Variants in WDR4 observed in about 807,000 individuals in gnomAD.
WDR4 encodes tRNA (guanine-N(7)-)-methyltransferase non-catalytic subunit WDR4.
Under a neutral mutation model 48.6 loss-of-function variants are expected in WDR4, and 47 were observed. That is an observed-to-expected ratio of 0.97 (90% CI 0.77 to 1.23). The LOEUF (loss-of-function observed/expected upper bound fraction) is 1.23. Ranked by LOEUF, WDR4 falls within the 50% of genes most tolerant of loss-of-function variation. The probability of loss-of-function intolerance (pLI) is 0.00; values close to 1 mark genes in which losing one functional copy is unlikely to be tolerated. For missense variants in WDR4, 606 were observed against 551.6 expected, an observed-to-expected ratio of 1.10 and a Z score of -0.99; for synonymous variants, 268 against 230.0, an observed-to-expected ratio of 1.17 and a Z score of -1.49.
chr21:42,870,564 C>G (rs13051639), intron 3 of WDR4, among the ~76,000 whole-genome samples: 91,318 of 151,364 alleles, frequency 0.6, 28,198 homozygotes, highest in African/African-American at 0.72. Flanking sequence ...GAGACAGGTA[C>G]ATCACCTTGA....
At chr21:42,860,499 C>T (rs1424569744) in intron 5 of WDR4, among the ~76,000 whole-genome samples, 2 of 152,252 alleles carry the variant, frequency 1.3e-5, no homozygotes, top group African/African-American at 2.4e-5. Context: ...ACGGGGTTCC[C>T]GGGGACCCTG....
At chr21:42,856,723 T>C (rs995612616) in intron 6 of WDR4, among the ~76,000 whole-genome samples, 24 of 152,112 alleles carry the variant, frequency 1.6e-4, no homozygotes, top group African/African-American at 5.3e-4. Context: ...TAACAGTAGA[T>C]GCATATCCTC....
rs1212211871 is a variant in WDR4 at position 42,876,711 on chromosome 21, T to G, written c.146A>C (p.Glu49Ala). 6.2e-7 allele frequency: 1 copy of G among 1,613,606 alleles called. No homozygotes were observed. The highest frequency in any genetic ancestry group is 1.3e-5 in the African/African-American group (1 of 74,882). Residue 49 changes from glutamate to alanine, a missense_variant, in exon 2 of 11, where the codon GAA becomes GCA. By Grantham distance (107) the Glu-to-Ala change is moderately radical (BLOSUM62 -1). Transcript: ENST00000398208. ...DCSAAEKKSQ[E>A]NKGEDAPLDQ... ...CTTCCCCACATCTCACCCTTTATTT[T>G]CTTGTGACTTCTTTTCTGCAGCACT... is the stretch of plus-strand genomic sequence containing the variant.
chr21:42,849,982 G>T lies in WDR4; in HGVS notation c.*67C>A. On this transcript the variant is annotated 3_prime_UTR_variant, in exon 11 of 11. Transcript: ENST00000398208. Reference sequence around the variant, plus strand: ...TTTTCCTTCTTGAAGGGACATGCCAGGATGCAGGGGAACAAGTTAAAAAGC... The same window carrying T: ...TTTTCCTTCTTGAAGGGACATGCCATGATGCAGGGGAACAAGTTAAAAAGC... 6.3e-7 allele frequency: 1 copy of T among 1,587,146 alleles called. No homozygotes were observed. The highest frequency in any genetic ancestry group is 8.6e-7 in the Non-Finnish European group (1 of 1,164,946).
chr21:42,885,016 TC>T, the WDR4 span, among the ~76,000 whole-genome samples: 1 of 152,098 alleles, frequency 6.6e-6, no homozygotes, highest in Non-Finnish European at 1.5e-5. Flanking sequence ...CTTCAAGTGA[TC>T]CGCCCGCCTT....
chr21:42,859,732 C>CGA lies in WDR4; in HGVS notation c.567-12_567-11dup, dbSNP rs751038117. On this transcript the variant is annotated splice_polypyrimidine_tract_variant and intron_variant, in intron 5 of 10. Transcript: ENST00000398208. ...GATACGGCTCACAAACCTGTGAGGG[C>CGA]GAGAGAGAGCGGCAGAGTCAGCGAG... The CGA allele has an allele frequency of 1.3e-6, 2 of 1,555,418 alleles. No individual in the cohort carries two copies. Among genetic ancestry groups the CGA allele is most frequent in the Non-Finnish European group, 1.7e-6 (2 of 1,149,376 alleles).
intron 6 of WDR4, 65 bp downstream of exon 6, chr21:42,859,597 G>T: frequency 1.4e-6 from 1 of 708,182 alleles, no homozygotes; most frequent in Non-Finnish European, 2.5e-6. Flanking sequence ...TCCAGGAGGC[G>T]CCCACCCCAC....
intron 10 of WDR4, among the ~76,000 whole-genome samples, chr21:42,850,894 A>C (rs2057807639): frequency 6.6e-6 from 1 of 152,216 alleles, no homozygotes; most frequent in Non-Finnish European, 1.5e-5. Context: ...AGACAGCCTC[A>C]GCCTGGCCAG....
chr21:42,876,731 A>C lies in WDR4; in HGVS notation c.126T>G (p.Ala42=). 1 of 1,613,720 alleles carries C rather than the reference A, an allele frequency of 6.2e-7. No homozygotes were observed. The highest frequency in any genetic ancestry group is 8.5e-7 in the Non-Finnish European group (1 of 1,179,880). Residue 42 remains alanine (A), a synonymous_variant, in exon 2 of 11, where the codon GCT becomes GCG. Transcript: ENST00000398208. ...TATTTTCTTGTGACTTCTTTTCTGCAGCACTGCAGTCATAGATGAAGAGGC... is the reference window on the plus strand; with the variant it reads ...TATTTTCTTGTGACTTCTTTTCTGCCGCACTGCAGTCATAGATGAAGAGGC... ...DDSLFIYDCS[A]AEKKSQENKG...
rs1490921538 is a variant in WDR4 at position 42,879,205 on chromosome 21, GAGCGGACGGCGAA to G, written c.89+189_89+201del. 40 of 1,332,596 alleles carry G rather than the reference GAGCGGACGGCGAA, an allele frequency of 3.0e-5. No individual in the cohort carries two copies. The East Asian group carries it at 6.0e-4, about 20-fold the overall frequency. 82.5% of individuals were successfully genotyped at this position (1,332,596 alleles called of 1,614,324 possible). ...GCCGGAGCCGGGGAGCGGACGCCGA[GAGCGGACGGCGAA>G]AGCGGACCCTCCAGGCGCAGAGACG... is the stretch of plus-strand genomic sequence containing the variant. On this transcript the variant is annotated intron_variant, in intron 1 of 10. Coordinates refer to ENST00000398208, the MANE Select transcript of WDR4 (RefSeq NM_018669.6).
the WDR4 span, among the ~76,000 whole-genome samples, chr21:42,892,893 GAACT>G: frequency 6.6e-6 from 1 of 152,226 alleles, no homozygotes; most frequent in Non-Finnish European, 1.5e-5. Flanking sequence ...TCAAAACACA[GAACT>G]ATCAATCAAG....
At chr21:42,854,671 C>T (rs770778502) in intron 7 of WDR4, 45 bp from the exon 8 acceptor site, 10 of 1,592,584 alleles carry the variant, frequency 6.3e-6, no homozygotes, top group Non-Finnish European at 8.6e-6. Flanking sequence ...CCTGCAGGGG[C>T]CCGACGCCGG....
upstream of WDR4, among the ~76,000 whole-genome samples, chr21:42,881,015 C>T (rs1256208103): frequency 2.0e-5 from 3 of 151,774 alleles, no homozygotes; most frequent in African/African-American, 4.8e-5. Flanking sequence ...ACGCCATTCT[C>T]CTGCCTCAGC....
At chr21:42,864,270 T>C (rs943592403) in intron 3 of WDR4, among the ~76,000 whole-genome samples, 3 of 151,928 alleles carry the variant, frequency 2.0e-5, no homozygotes, top group East Asian at 1.9e-4. Context: ...GTCTTCATCA[T>C]GCATTGAGGG....
At position 42,850,151 on chromosome 21, in the gene WDR4, C is replaced by T. The variant is rs143344936; in HGVS notation, c.1137G>A (p.Leu379=). ...TSYLKKKEER[L]QQQLEKKQRR... is the part of the protein sequence containing the mutation. ...GCTGCTTCTTCTCTAGCTGCTGCTG[C>T]AGTCTCTCCTCTTTCTTCTTCAGGT... Residue 379 remains leucine, a synonymous_variant, in exon 11 of 11, where the codon CTG becomes CTA. Transcript: ENST00000398208. 4.3e-6 allele frequency: 7 copies of T among 1,614,002 alleles called. No homozygotes were observed. Among genetic ancestry groups the T allele is most frequent in the African/African-American group, 4.0e-5 (3 of 74,948 alleles).
At chr21:42,865,758 C>T (rs369926724) in intron 3 of WDR4, among the ~76,000 whole-genome samples, 4 of 152,200 alleles carry the variant, frequency 2.6e-5, no homozygotes, top group African/African-American at 4.8e-5. Flanking sequence ...TCTCGGGTCT[C>T]GGGTCTCAGC....
chr21:42,859,000 C>G (rs2058055357), intron 6 of WDR4, among the ~76,000 whole-genome samples: 1 of 152,124 alleles, frequency 6.6e-6, no homozygotes. Flanking sequence ...CTCACTTTGG[C>G]AAAATCACTA....
chr21:42,863,387 T>C (rs2058162989), intron 4 of WDR4, 53 bp downstream of exon 4: 2 of 1,571,348 alleles, frequency 1.3e-6, no homozygotes, highest in Non-Finnish European at 1.7e-6. Flanking sequence ...ACGTCCCCCA[T>C]GTACCGTGTC....
At chr21:42,857,803 A>G (rs1469418840) in intron 6 of WDR4, among the ~76,000 whole-genome samples, 1 of 152,190 alleles carries the variant, frequency 6.6e-6, no homozygotes, top group Non-Finnish European at 1.5e-5. Flanking sequence ...AAAGAAAAAA[A>G]AACAGAGAAT....
Sources: gnomAD v4.1 joint callset for allele counts (sites outside exome capture counted in the v4.1 genomes callset) on GRCh38, gnomAD v4.1.1 for gene constraint, MANE v1.5 for transcripts, NCBI Gene and HGNC (gene_info 2026-07-23, HGNC 2026-07-21) for gene names.